WNK1: variants seen among roughly 807,000 people sequenced by gnomAD.
The protein encoded by WNK1 is serine/threonine-protein kinase WNK1.
In WNK1, 38 loss-of-function variants were observed where a neutral mutation model predicts 222.8. The observed-to-expected ratio is 0.17, with a 90% confidence interval of 0.13 to 0.22. The LOEUF (loss-of-function observed/expected upper bound fraction) is 0.22, where lower values mean the gene tolerates loss of function less well. Ranked by LOEUF, WNK1 falls within the 10% of genes least tolerant of loss-of-function variation. The probability of loss-of-function intolerance (pLI) is 1.00; values close to 1 mark genes in which losing one functional copy is unlikely to be tolerated. For synonymous variants in WNK1, 1,090 were observed against 1,092.9 expected, an observed-to-expected ratio of 1.00 and a Z score of 0.05; for missense variants, 2,348 against 2,918.4, an observed-to-expected ratio of 0.80 and a Z score of 4.50.
At chr12:902,403 G>C (rs1406661264) in intron 26 of WNK1, among the ~76,000 whole-genome samples, 2 of 152,174 alleles carry the variant, frequency 1.3e-5, no homozygotes, top group Non-Finnish European at 2.9e-5. Flanking sequence ...TTCTTTGTCA[G>C]AGTAGATTGA....
chr12:773,871 C>T (rs770608825), intron 1 of WNK1, among the ~76,000 whole-genome samples: 5 of 152,090 alleles, frequency 3.3e-5, no homozygotes, highest in Non-Finnish European at 7.4e-5. Flanking sequence ...TCCTTCATTT[C>T]CCCACAGTGT....
At chr12:782,668 C>T (rs1455830736) in intron 1 of WNK1, among the ~76,000 whole-genome samples, 1 of 152,022 alleles carries the variant, frequency 6.6e-6, no homozygotes, top group Non-Finnish European at 1.5e-5. Flanking sequence ...CCACGCCCAG[C>T]TAATTTTTAT....
chr12:823,211 CTCTT>C (rs1479529813), intron 2 of WNK1, among the ~76,000 whole-genome samples: 2 of 152,194 alleles, frequency 1.3e-5, no homozygotes, highest in Non-Finnish European at 2.9e-5. Flanking sequence ...TCAAGATTCT[CTCTT>C]TGTCTTTGCC....
intron 9 of WNK1, among the ~76,000 whole-genome samples, chr12:877,368 A>G (rs1242911101): frequency 6.6e-6 from 1 of 152,034 alleles, no homozygotes. Flanking sequence ...CCCAGCCTCA[A>G]GTTTTTATTT....
intron 25 of WNK1, 40 bp from the exon 26 acceptor site, chr12:900,436 A>G: frequency 6.2e-7 from 1 of 1,609,768 alleles, no homozygotes. Context: ...GCATGGGAAG[A>G]GCTGGACATG....
Position 859,283 on chromosome 12 carries a change from A to G in WNK1, c.1439A>G (p.Gln480Arg). Residue 480 changes from glutamine to arginine, a missense_variant, in exon 6 of 28, where the codon CAA becomes CGA. By Grantham distance (43) the Gln-to-Arg change is conservative (BLOSUM62 1). Transcript: ENST00000315939. ...GACCTTTTGAACCATGCCTTCTTCC[A>G]AGAGGAAACAGGAGTACGGGTAGAA... ...IKDLLNHAFF[Q>R]EETGVRVELA... 2 of 1,613,850 alleles carry G rather than the reference A, an allele frequency of 1.2e-6. No homozygotes were observed. The highest frequency in any genetic ancestry group is 1.7e-6 in the Non-Finnish European group (2 of 1,179,850).
intron 10 of WNK1, 60 bp from the exon 11 acceptor site, chr12:879,513 C>CTTTTTTTTTTTTTTTTTTTTTTTTGTTT: frequency 2.5e-6 from 1 of 403,026 alleles, no homozygotes; most frequent in African/African-American, 6.1e-5. Flanking sequence ...GGCAGCCTTG[C>CTTTTTTTTTTTTTTTTTTTTTTTTGTTT]TTTTTTTTTT....
chr12:908,817 T>A lies in WNK1; in HGVS notation c.*25T>A, dbSNP rs756197223. ...GACCTAGAGACATTAACTGAATAGATCTGGGGGCAGGAGATGGAATGCTGA... is the reference window on the plus strand; with the variant it reads ...GACCTAGAGACATTAACTGAATAGAACTGGGGGCAGGAGATGGAATGCTGA... On this transcript the variant is annotated 3_prime_UTR_variant, in exon 28 of 28. Transcript: ENST00000315939. 18 of 1,222,710 alleles carry A rather than the reference T, an allele frequency of 1.5e-5. No individual in the cohort carries two copies. Among genetic ancestry groups the A allele is most frequent in the Non-Finnish European group, 2.0e-5 (18 of 900,440 alleles). The allele number at this position is 1,222,710 out of a possible 1,614,324, so 75.7% of individuals were successfully genotyped here. A position where few individuals can be genotyped will look rare whatever the true frequency, so the allele number is the denominator to read the frequency against.
chr12:880,819 C>T lies in WNK1; in HGVS notation c.2931C>T (p.Ser977=). 1 of 1,613,990 alleles carries T rather than the reference C, an allele frequency of 6.2e-7. No individual in the cohort carries two copies. The highest frequency in any genetic ancestry group is 8.5e-7 in the Non-Finnish European group (1 of 1,179,988). The change falls in exon 12 of 28, where the codon TCC becomes TCT. Residue 977 remains serine, a synonymous_variant. Transcript: ENST00000315939. ...TTTGCATCCATTCTACAGTCCTATC[C>T]CCTCCCATGCCGACAGAAGTACTGG... ...ASVCIHSTVL[S]PPMPTEVLAT...
rs951022198 is a variant in WNK1 at position 781,216 on chromosome 12, A to G, written c.759+26892A>G. ...GCTAACGCCTACATAACATGCCTGCATCATCTAGAGCTTTGCTTTACCTTG... is the reference window on the plus strand; with the variant it reads ...GCTAACGCCTACATAACATGCCTGCGTCATCTAGAGCTTTGCTTTACCTTG... On this transcript the variant is annotated intron_variant, in intron 1 of 27. Transcript: ENST00000315939. 7 of 155,516 alleles carry G rather than the reference A, an allele frequency of 4.5e-5. No individual in the cohort carries two copies. The East Asian group carries it at 1.3e-3, about 28-fold the overall frequency. The allele number at this position is 155,516 out of a possible 1,614,324, so 9.6% of individuals were successfully genotyped here. A position where few individuals can be genotyped will look rare whatever the true frequency, so the allele number is the denominator to read the frequency against.
chr12:796,051 G>A (rs926436688), intron 1 of WNK1, among the ~76,000 whole-genome samples: 5 of 151,932 alleles, frequency 3.3e-5, no homozygotes, highest in Admixed American at 1.3e-4. Context: ...TTTTGTATGC[G>A]TTTGTAGAGA....
rs72648671 is a variant in WNK1, at chr12:857,293, A to G, written c.1400+44A>G. On this transcript the variant is annotated intron_variant, in intron 5 of 27. Transcript: ENST00000315939. ...TCTGGGTGATACTTGAACAAAACCT[A>G]AAAAGTAATGTGCTTTGAGTACAAC... 843 of 1,534,156 alleles carry G rather than the reference A, an allele frequency of 5.5e-4. 5 individuals are homozygous for G. In the African/African-American group the frequency reaches 8.8e-3, roughly 16 times the overall value.
chr12:772,353 G>A (rs891191212), intron 1 of WNK1, among the ~76,000 whole-genome samples: 18 of 151,928 alleles, frequency 1.2e-4, no homozygotes, highest in African/African-American at 4.4e-4. Context: ...AGATCTTGAG[G>A]TTTTTAGATT....
rs1309903063 is a variant in WNK1 at position 882,026 on chromosome 12, C to A, written c.3325C>A (p.Arg1109Ser). ...KRHYRKSVRSRSRHEKTSRPK... is the reference protein window; with the variant it reads ...KRHYRKSVRSSSRHEKTSRPK... ...GCATTACCGAAAATCTGTAAGGAGT[C>A]GCTCTCGACATGAAAAAACTTCACG... The change falls in exon 14 of 28, where the codon CGC becomes AGC. Residue 1109 changes from arginine to serine, a missense_variant. Physicochemically the swap from Arg to Ser is moderately radical, Grantham distance 110 (BLOSUM62 -1). This residue lies in a region of WNK1 where 547 missense variants were observed against 558.3 expected (regional missense o/e 0.98). Coordinates refer to ENST00000315939, the MANE Select transcript of WNK1 (RefSeq NM_018979.4). 6.2e-7 allele frequency: 1 copy of A among 1,613,998 alleles called. No individual in the cohort carries two copies. Among genetic ancestry groups the A allele is most frequent in the African/African-American group, 1.3e-5 (1 of 75,020 alleles).
chr12:870,916 A>G (rs895025464), intron 8 of WNK1, among the ~76,000 whole-genome samples: 3 of 152,228 alleles, frequency 2.0e-5, no homozygotes, highest in Non-Finnish European at 4.4e-5. Flanking sequence ...TTTCAGATTG[A>G]TAGTATTAAT....
At chr12:902,685 A>G (rs1308800176) in intron 26 of WNK1, among the ~76,000 whole-genome samples, 1 of 152,142 alleles carries the variant, frequency 6.6e-6, no homozygotes, top group Non-Finnish European at 1.5e-5. Context: ...TCTTCCCCAT[A>G]TGTGAAATGG....
chr12:764,572 G>T (rs947309728), intron 1 of WNK1, among the ~76,000 whole-genome samples: 2 of 129,574 alleles, frequency 1.5e-5, no homozygotes, highest in African/African-American at 5.4e-5. Context: ...GGAGGTGGAG[G>T]TTGTGGTGAG....
intron 1 of WNK1, among the ~76,000 whole-genome samples, chr12:801,536 G>A (rs1215568791): frequency 6.6e-6 from 1 of 150,488 alleles, no homozygotes; most frequent in African/African-American, 2.5e-5. Context: ...AGCCTACCCA[G>A]TAGCTGGGAC....
chr12:811,470 G>A (rs1946899266), intron 1 of WNK1, among the ~76,000 whole-genome samples: 1 of 152,024 alleles, frequency 6.6e-6, no homozygotes. Context: ...TGAATTTGAG[G>A]GAGATAATAA....
Sources: allele counts gnomAD v4.1 joint callset (sites outside exome capture counted in the v4.1 genomes callset), GRCh38; gene constraint gnomAD v4.1.1; regional missense constraint gnomAD v4.1.1; transcripts MANE v1.5; gene names NCBI Gene and HGNC (gene_info 2026-07-23, HGNC 2026-07-21).